BANK1: variants seen among roughly 807,000 people sequenced by gnomAD.
BANK1 encodes the protein B cell scaffold protein with ankyrin repeats 1.
BANK1 carries 95 observed loss-of-function variants against 94.5 expected under a neutral mutation model. That is an observed-to-expected ratio of 1.00 (90% confidence interval 0.85 to 1.19). BANK1 has a LOEUF of 1.19. Among genes scored for constraint, BANK1 ranks in the 50% most tolerant of loss-of-function variants. The probability of loss-of-function intolerance (pLI) is 0.00; values close to 1 mark genes in which losing one functional copy is unlikely to be tolerated. For synonymous variants in BANK1, 334 were observed against 308.4 expected (o/e 1.08, Z -0.87); for missense variants, 987 against 932.2 (o/e 1.06, Z -0.77).
chr4:102,007,145 TTTATA>T (rs1726325568), intron 7 of BANK1, among the ~76,000 whole-genome samples: 6 of 19,284 alleles, frequency 3.1e-4, no homozygotes, highest in South Asian at 3.1e-3. Context: ...AAAAATATAT[TTTATA>T]TATATATATA....
chr4:101,846,864 G>C (rs1727266962), intron 2 of BANK1, among the ~76,000 whole-genome samples: 1 of 152,150 alleles, frequency 6.6e-6, no homozygotes, highest in Non-Finnish European at 1.5e-5. Context: ...AAGGTTCTCT[G>C]AAGTCTGACT....
At chr4:101,799,779 C>T (rs1725292849) in intron 1 of BANK1, among the ~76,000 whole-genome samples, 1 of 152,082 alleles carries the variant, frequency 6.6e-6, no homozygotes, top group Non-Finnish European at 1.5e-5. Context: ...GAGGCTGAGG[C>T]AGGAGAATGG....
At chr4:101,974,401 T>C (rs1725055917) in intron 7 of BANK1, among the ~76,000 whole-genome samples, 1 of 151,946 alleles carries the variant, frequency 6.6e-6, no homozygotes, top group Non-Finnish European at 1.5e-5. Context: ...GAGAGAGGAG[T>C]TGTAATGTTC....
At chr4:101,946,004 T>C (rs1723914619) in intron 7 of BANK1, among the ~76,000 whole-genome samples, 1 of 152,014 alleles carries the variant, frequency 6.6e-6, no homozygotes, top group Admixed American at 6.6e-5. Context: ...TAACACAGGA[T>C]ATAGTCTTAC....
intron 2 of BANK1, among the ~76,000 whole-genome samples, chr4:101,832,206 G>A (rs1560592572): frequency 6.6e-6 from 1 of 152,154 alleles, no homozygotes; most frequent in Non-Finnish European, 1.5e-5. Flanking sequence ...TATTTGCCTA[G>A]CTGACTAAAG....
intron 6 of BANK1, among the ~76,000 whole-genome samples, chr4:101,905,368 G>A (rs934812743): frequency 6.6e-6 from 1 of 152,184 alleles, no homozygotes. Context: ...CATTGCACGG[G>A]AGCGAGGGAA....
intron 10 of BANK1, among the ~76,000 whole-genome samples, chr4:102,034,407 G>A (rs1448109625): frequency 1.3e-5 from 2 of 152,050 alleles, no homozygotes; most frequent in African/African-American, 4.8e-5. Flanking sequence ...GTAAGCTGGG[G>A]ATACAAATAT....
At chr4:101,855,280 G>A in intron 3 of BANK1, 91 bp downstream of exon 3, 1 of 1,317,144 alleles carries the variant, frequency 7.6e-7, no homozygotes, top group Non-Finnish European at 1.0e-6. Context: ...GGTCTCATTA[G>A]GTTGCCCAGG....
chr4:102,032,840 G>A (rs541697469), intron 10 of BANK1, among the ~76,000 whole-genome samples: 4 of 151,286 alleles, frequency 2.6e-5, no homozygotes, highest in South Asian at 2.1e-4. Context: ...AGCCAACATC[G>A]CACCACTCCA....
intron 7 of BANK1, among the ~76,000 whole-genome samples, chr4:101,970,562 T>TACTCTTA (rs1409558039): frequency 6.6e-6 from 1 of 152,096 alleles, no homozygotes; most frequent in Non-Finnish European, 1.5e-5. Context: ...GGACGTAAGA[T>TACTCTTA]ACTCTTAACT....
intron 6 of BANK1, among the ~76,000 whole-genome samples, chr4:101,900,150 T>C (rs1356384883): frequency 6.6e-6 from 1 of 152,202 alleles, no homozygotes; most frequent in African/African-American, 2.4e-5. Context: ...TCTTATTCAT[T>C]CATTTATGTA....
intron 2 of BANK1, among the ~76,000 whole-genome samples, chr4:101,846,499 TAAGACTGGGTAATTTTTAAG>T (rs943169594): frequency 3.3e-5 from 5 of 152,176 alleles, no homozygotes; most frequent in East Asian, 3.8e-4. Flanking sequence ...GGGTAATTTT[TAAGACTGGGTAATTTTTAAG>T]AAGACTGGGT....
At chr4:101,941,642 C>T (rs1211619797) in intron 7 of BANK1, among the ~76,000 whole-genome samples, 3 of 151,566 alleles carry the variant, frequency 2.0e-5, no homozygotes, top group Non-Finnish European at 4.4e-5. Flanking sequence ...GTATAGGTGG[C>T]CCTATGTTAA....
At chr4:101,937,663 T>C (rs561599222) in intron 7 of BANK1, among the ~76,000 whole-genome samples, 3 of 151,984 alleles carry the variant, frequency 2.0e-5, no homozygotes, top group African/African-American at 7.2e-5. Context: ...AGTTCAACCA[T>C]TGTGGAAGAC....
chr4:101,958,429 T>C (rs1433854882), intron 7 of BANK1, among the ~76,000 whole-genome samples: 1 of 151,892 alleles, frequency 6.6e-6, no homozygotes, highest in African/African-American at 2.4e-5. Flanking sequence ...ACACTTTTTT[T>C]TTTTTTGTCT....
intron 1 of BANK1, among the ~76,000 whole-genome samples, chr4:101,814,797 C>A (rs981564669): frequency 6.6e-6 from 1 of 152,048 alleles, no homozygotes; most frequent in Non-Finnish European, 1.5e-5. Context: ...TTCCTTAAAA[C>A]TGTAATACTA....
chr4:102,000,515 G>A (rs920729125), intron 7 of BANK1, among the ~76,000 whole-genome samples: 2 of 152,152 alleles, frequency 1.3e-5, no homozygotes, highest in African/African-American at 2.4e-5. Context: ...AAGATCTTCA[G>A]TAAGAGGGTG....
intron 7 of BANK1, among the ~76,000 whole-genome samples, chr4:102,010,734 T>C (rs1726480253): frequency 6.6e-6 from 1 of 152,194 alleles, no homozygotes; most frequent in African/African-American, 2.4e-5. Flanking sequence ...CCAAAATGTC[T>C]ACAAATACAG....
chr4:101,794,916 A>G (rs941636291), intron 1 of BANK1, among the ~76,000 whole-genome samples: 3 of 152,104 alleles, frequency 2.0e-5, no homozygotes, highest in African/African-American at 7.2e-5. Context: ...TATGTGTCAT[A>G]TCTTTGTTTC....
Sources: allele counts gnomAD v4.1 joint callset (sites outside exome capture counted in the v4.1 genomes callset), GRCh38; gene constraint gnomAD v4.1.1; transcripts MANE v1.5; gene names NCBI Gene and HGNC (gene_info 2026-07-23, HGNC 2026-07-21).